UBE3D: variants seen among roughly 807,000 people sequenced by gnomAD.
The protein encoded by UBE3D is ubiquitin protein ligase E3D, also known as E3 ubiquitin-protein ligase E3D.
UBE3D carries 48 observed loss-of-function variants against 49.6 expected under a neutral mutation model. That is an observed-to-expected ratio of 0.97 (90% CI 0.77 to 1.23). The LOEUF is 1.23. UBE3D is among the 50% of genes most tolerant of loss of function. UBE3D has a pLI of 0.00. For missense variants in UBE3D, 452 were observed against 468.4 expected, an observed-to-expected ratio of 0.96 and a Z score of 0.32; for synonymous variants, 189 against 174.2, an observed-to-expected ratio of 1.08 and a Z score of -0.67.
intron 9 of UBE3D, among the ~76,000 whole-genome samples, chr6:82,939,120 A>G (rs1774815585): frequency 6.6e-6 from 1 of 152,024 alleles, no homozygotes; most frequent in Non-Finnish European, 1.5e-5. Context: ...AATTAGACAA[A>G]CCCTATCTGT....
chr6:83,047,364 G>C (rs1294355924), intron 3 of UBE3D, among the ~76,000 whole-genome samples: 1 of 152,166 alleles, frequency 6.6e-6, no homozygotes, highest in African/African-American at 2.4e-5. Flanking sequence ...TTCCCTGAAT[G>C]CAGTTTCTTC....
At chr6:82,963,150 A>G (rs1002988326) in intron 8 of UBE3D, among the ~76,000 whole-genome samples, 20 of 151,874 alleles carry the variant, frequency 1.3e-4, no homozygotes, top group Non-Finnish European at 4.4e-5. Context: ...AGTAAGAACT[A>G]CAGGTAACTT....
chr6:82,990,618 AG>A (rs1778819065), intron 8 of UBE3D, among the ~76,000 whole-genome samples: 1 of 152,152 alleles, frequency 6.6e-6, no homozygotes, highest in Admixed American at 6.5e-5. Context: ...TACAGATAAA[AG>A]GTTAAGAATC....
intron 9 of UBE3D, among the ~76,000 whole-genome samples, chr6:82,948,147 T>G (rs1775536560): frequency 2.7e-5 from 4 of 150,656 alleles, no homozygotes; most frequent in African/African-American, 7.3e-5. Context: ...TACGAAAACA[T>G]GAGAGAATAA....
In UBE3D at chr6:82,927,754, GTT is replaced by G. The variant is rs34047163; in HGVS notation, c.1149+29556_1149+29557del. ...TATAATCACTTATTAGTTTGGGAGG[GTT>G]TTTTTTTTTTTAATTCTTCAGGATT... On this transcript the variant is annotated intron_variant, in intron 9 of 9. Coordinates refer to ENST00000369747, the MANE Select transcript of UBE3D (RefSeq NM_198920.3). 6.4e-3 allele frequency among the ~76,000 whole-genome samples: 930 copies of G among 145,364 alleles called. 10 individuals are homozygous for G. Among genetic ancestry groups the G allele is most frequent in the Middle Eastern group, 0.028 (8 of 284 alleles).
chr6:82,900,590 G>A (rs959134548), intron 9 of UBE3D, among the ~76,000 whole-genome samples: 12 of 152,160 alleles, frequency 7.9e-5, no homozygotes, highest in Admixed American at 2.0e-4. Context: ...CAGACAAAAC[G>A]CTTTCTGACC....
At position 83,044,501 on chromosome 6, in the gene UBE3D, C is replaced by G. The variant is rs752727982; in HGVS notation, c.524G>C (p.Ser175Thr). 6.2e-6 allele frequency: 10 copies of G among 1,614,020 alleles called. No individual in the cohort carries two copies. In the Admixed American group the frequency reaches 1.5e-4, roughly 24 times the overall value. Residue 175 changes from serine to threonine, a missense_variant, in exon 4 of 10, where the codon AGT becomes ACT. Physicochemically the swap from Ser to Thr is moderately conservative, Grantham distance 58. Transcript: ENST00000369747. ...DSFFLVNLRT[S>T]LWQQRPELSP... ...TAGTTCAGGTCTTTGCTGCCACAAA[C>G]TGGTTCTTAAATTCACCAAGAAGAA...
At chr6:82,955,072 G>A (rs943248264) in intron 9 of UBE3D, among the ~76,000 whole-genome samples, 1 of 152,162 alleles carries the variant, frequency 6.6e-6, no homozygotes, top group African/African-American at 2.4e-5. Flanking sequence ...ACCGCTCTAA[G>A]AGCTCCTCTA....
chr6:82,904,369 A>G (rs1416044461), intron 9 of UBE3D, among the ~76,000 whole-genome samples: 3 of 152,206 alleles, frequency 2.0e-5, no homozygotes, highest in African/African-American at 4.8e-5. Context: ...AGAGAAGTAA[A>G]AACAGATTAG....
At chr6:83,048,888 A>G (rs1332954488) in intron 3 of UBE3D, among the ~76,000 whole-genome samples, 1 of 152,058 alleles carries the variant, frequency 6.6e-6, no homozygotes, top group Admixed American at 6.5e-5. Flanking sequence ...AATACATACC[A>G]TTTTTTTCAA....
At chr6:82,996,311 A>AAAATAAATAAAT (rs148895876) in intron 8 of UBE3D, among the ~76,000 whole-genome samples, 1 of 148,588 alleles carries the variant, frequency 6.7e-6, no homozygotes, top group African/African-American at 2.5e-5. Flanking sequence ...TTTGAGCAAC[A>AAAATAAATAAAT]AAATAAATAA....
At chr6:83,065,349 T>C (rs1187215001) in intron 1 of UBE3D, among the ~76,000 whole-genome samples, 2 of 152,208 alleles carry the variant, frequency 1.3e-5, no homozygotes, top group African/African-American at 2.4e-5. Context: ...AATTTTAATG[T>C]GCATTTGATT....
intron 9 of UBE3D, among the ~76,000 whole-genome samples, chr6:82,919,794 G>A (rs1773194410): frequency 6.6e-6 from 1 of 151,976 alleles, no homozygotes; most frequent in South Asian, 2.1e-4. Context: ...TGTCTTCCCA[G>A]CAATCTTTTT....
At chr6:82,934,248 G>A (rs758714681) in intron 9 of UBE3D, among the ~76,000 whole-genome samples, 2 of 152,164 alleles carry the variant, frequency 1.3e-5, no homozygotes, top group Admixed American at 6.5e-5. Flanking sequence ...CCCCAGCCAC[G>A]TGGAACTGTA....
chr6:82,905,108 T>C (rs1008387642), intron 9 of UBE3D, among the ~76,000 whole-genome samples: 2 of 152,182 alleles, frequency 1.3e-5, no homozygotes, highest in African/African-American at 4.8e-5. Context: ...CTTTAATATA[T>C]GAAACTATTT....
intron 8 of UBE3D, among the ~76,000 whole-genome samples, chr6:82,987,323 C>T (rs751955246): frequency 3.9e-5 from 6 of 152,064 alleles, no homozygotes; most frequent in African/African-American, 1.4e-4. Flanking sequence ...CTATAACTTG[C>T]TAATTTAATA....
chr6:82,939,370 T>C (rs1196285319), intron 9 of UBE3D, among the ~76,000 whole-genome samples: 1 of 152,218 alleles, frequency 6.6e-6, no homozygotes, highest in Non-Finnish European at 1.5e-5. Flanking sequence ...GAAAAACCCA[T>C]ACCACATCGT....
chr6:82,944,797 C>T (rs1775283022), intron 9 of UBE3D, among the ~76,000 whole-genome samples: 1 of 152,274 alleles, frequency 6.6e-6, no homozygotes, highest in African/African-American at 2.4e-5. Flanking sequence ...GCCCTTGGGC[C>T]TCATGTGAAC....
At chr6:83,049,702 A>G (rs985525056) in intron 3 of UBE3D, 1 of 469,220 alleles carries the variant, frequency 2.1e-6, no homozygotes, top group African/African-American at 2.0e-5. Flanking sequence ...ACCTAGCACT[A>G]CCTTACCAGT....
Sources: gnomAD v4.1 joint callset for allele counts (sites outside exome capture counted in the v4.1 genomes callset) on GRCh38, gnomAD v4.1.1 for gene constraint, MANE v1.5 for transcripts, NCBI Gene and HGNC (gene_info 2026-07-23, HGNC 2026-07-21) for gene names.